MRTFA: variants seen among roughly 807,000 people sequenced by gnomAD.
MRTFA encodes myocardin-related transcription factor A.
In MRTFA, 20 loss-of-function variants were observed where a neutral mutation model predicts 83.5. That is an observed-to-expected ratio of 0.24 (90% confidence interval 0.17 to 0.35). The LOEUF is 0.35. Ranked by LOEUF, MRTFA falls within the 10% of genes least tolerant of loss-of-function variation. The probability of loss-of-function intolerance (pLI) is 1.00; values close to 1 mark genes in which losing one functional copy is unlikely to be tolerated. For synonymous variants in MRTFA, 659 were observed against 541.2 expected (o/e 1.22, Z -3.02); for missense variants, 1,200 against 1,224.7 (o/e 0.98, Z 0.30).
chr22:40,483,017 A>G (rs1399562314), intron 3 of MRTFA, among the ~76,000 whole-genome samples: 2 of 152,024 alleles, frequency 1.3e-5, no homozygotes, highest in Non-Finnish European at 2.9e-5. Context: ...GTGAGCCACC[A>G]CTGTGCCACG....
chr22:40,541,365 G>A (rs1453145610), intron 3 of MRTFA, among the ~76,000 whole-genome samples: 2 of 152,090 alleles, frequency 1.3e-5, no homozygotes, highest in African/African-American at 4.8e-5. Context: ...ACAAGTGTAC[G>A]CATGAGTTTA....
At chr22:40,419,564 T>C (rs2052781223) in intron 11 of MRTFA, among the ~76,000 whole-genome samples, 180 bp from the exon 12 acceptor site, 1 of 152,168 alleles carries the variant, frequency 6.6e-6, no homozygotes, top group Non-Finnish European at 1.5e-5. Flanking sequence ...CTCTCTTTCA[T>C]TGTTCTCACT....
intron 1 of MRTFA, among the ~76,000 whole-genome samples, chr22:40,613,429 T>C (rs2056410099): frequency 6.6e-6 from 1 of 152,204 alleles, no homozygotes; most frequent in Admixed American, 6.5e-5. Context: ...CCAAAGTGGC[T>C]GTACCATGTC....
In MRTFA at chr22:40,518,436, A is replaced by AAC. The variant is rs398081787; in HGVS notation, c.241+33668_241+33669dup. Among the ~76,000 whole-genome samples the AAC allele has an allele frequency of 2.6e-5, 4 of 151,506 alleles. No homozygotes were observed. In the East Asian group the frequency reaches 7.8e-4, roughly 29 times the overall value. ...TGGTTGTTGGTGAGGGAAAAAAAAA[A>AAC]ACAAAACCTACACATCTGATGTCAT... On this transcript the variant is annotated intron_variant, in intron 3 of 14. Transcript: ENST00000355630.
Position 40,411,369 on chromosome 22 carries a change from A to AC in MRTFA, c.*20dup. On this transcript the variant is annotated 3_prime_UTR_variant, in exon 15 of 15. Transcript: ENST00000355630. ...TACCCTGGCTCCCAGCCCCTTCCCC[A>AC]CCCCGTCTTGAGCCAGAGAGCTACA... 1 of 1,534,854 alleles carries AC rather than the reference A, an allele frequency of 6.5e-7. No individual in the cohort carries two copies. The highest frequency in any genetic ancestry group is 8.8e-7 in the Non-Finnish European group (1 of 1,134,048).
intron 1 of MRTFA, among the ~76,000 whole-genome samples, chr22:40,634,384 T>C (rs914655336): frequency 1.2e-4 from 19 of 152,232 alleles, no homozygotes; most frequent in Non-Finnish European, 4.4e-5. Flanking sequence ...TAAGCCACTG[T>C]GCCCCGCCTA....
intron 4 of MRTFA, among the ~76,000 whole-genome samples, chr22:40,444,747 T>A (rs1373172843): frequency 6.6e-6 from 1 of 151,890 alleles, no homozygotes; most frequent in Non-Finnish European, 1.5e-5. Context: ...GGGAGTTGCT[T>A]CTGACTTGAT....
intron 3 of MRTFA, among the ~76,000 whole-genome samples, chr22:40,511,289 T>C (rs957444985): frequency 3.9e-5 from 6 of 152,030 alleles, no homozygotes; most frequent in South Asian, 4.2e-4. Context: ...AAAGGAGGAA[T>C]TGAGACTGAC....
intron 3 of MRTFA, among the ~76,000 whole-genome samples, chr22:40,466,972 T>C (rs926835756): frequency 5.9e-5 from 9 of 151,466 alleles, no homozygotes; most frequent in Middle Eastern, 3.4e-3. Context: ...TATGCATGTA[T>C]ATATATATAT....
At chr22:40,562,865 T>C (rs1347451908) in intron 2 of MRTFA, among the ~76,000 whole-genome samples, 2 of 152,088 alleles carry the variant, frequency 1.3e-5, no homozygotes, top group Admixed American at 6.5e-5. Flanking sequence ...TCTAGGTATC[T>C]ATAGAGTTCT....
chr22:40,418,986 C>G lies in MRTFA; in HGVS notation c.1752G>C (p.Leu584=). 1.2e-6 allele frequency: 2 copies of G among 1,612,878 alleles called. No homozygotes were observed. The highest frequency in any genetic ancestry group is 1.7e-6 in the Non-Finnish European group (2 of 1,179,928). ...GCGAGGCCTGCAGGGTCAGCTGCGT[C>G]AGAGGTGATGTCACCATCTCACCAA... The change falls in exon 12 of 15, where the codon CTG becomes CTC. Residue 584 remains leucine, a synonymous_variant. Coordinates refer to ENST00000355630, the MANE Select transcript of MRTFA (RefSeq NM_020831.6).
intron 2 of MRTFA, among the ~76,000 whole-genome samples, chr22:40,554,290 G>A (rs573265323): frequency 6.6e-4 from 101 of 152,206 alleles, no homozygotes; most frequent in African/African-American, 2.4e-3. Context: ...GATTTGGGAG[G>A]GGCCAGGGGC....
At chr22:40,587,914 C>A in intron 2 of MRTFA, 1 of 409,390 alleles carries the variant, frequency 2.4e-6, no homozygotes, top group East Asian at 5.2e-5. Flanking sequence ...GAATGGGAGC[C>A]TTGAATACAG....
At chr22:40,631,128 G>A (rs1234285142) in intron 1 of MRTFA, among the ~76,000 whole-genome samples, 2 of 152,120 alleles carry the variant, frequency 1.3e-5, no homozygotes, top group African/African-American at 4.8e-5. Flanking sequence ...TAAAGCCACT[G>A]GTTCACTCTA....
chr22:40,611,006 C>T (rs1174593562), intron 1 of MRTFA, among the ~76,000 whole-genome samples: 1 of 146,076 alleles, frequency 6.8e-6, no homozygotes, highest in Non-Finnish European at 1.5e-5. Flanking sequence ...GATGCCATCT[C>T]GGCTCACTGC....
chr22:40,423,172 C>T (rs1343064743), intron 9 of MRTFA, among the ~76,000 whole-genome samples: 1 of 152,246 alleles, frequency 6.6e-6, no homozygotes, highest in Non-Finnish European at 1.5e-5. Flanking sequence ...AGTGGCACCT[C>T]CTGCATGACT....
Position 40,416,340 on chromosome 22 carries a change from C to G in MRTFA, c.2578+646G>C, listed in dbSNP as rs1244945591. ...CCCAGCTCTCCAGTCGCCCCCCAAC[C>G]TGGGGCTCCCTGCTTCTGCCCTTGC... is the stretch of plus-strand genomic sequence containing the variant. On this transcript the variant is annotated intron_variant, in intron 14 of 14. Coordinates refer to ENST00000355630, the MANE Select transcript of MRTFA (RefSeq NM_020831.6). This position sits in a 1 kb window ranked among gnomAD's most constrained non-coding sequence, Gnocchi z 4.2. Among the ~76,000 whole-genome samples, 5 of 152,270 alleles carry G rather than the reference C, an allele frequency of 3.3e-5. No individual in the cohort carries two copies. Among genetic ancestry groups the G allele is most frequent in the African/African-American group, 4.8e-5 (2 of 41,470 alleles).
chr22:40,453,859 C>T (rs972664794), intron 4 of MRTFA, among the ~76,000 whole-genome samples: 1 of 152,030 alleles, frequency 6.6e-6, no homozygotes, highest in Non-Finnish European at 1.5e-5. Context: ...GGTAAGTTGC[C>T]CAGAAATTTA....
At chr22:40,459,239 CAAAAAAAAA>C (rs59958160) in intron 4 of MRTFA, among the ~76,000 whole-genome samples, 21 of 87,110 alleles carry the variant, frequency 2.4e-4, no homozygotes, top group Non-Finnish European at 2.8e-4. Context: ...AGGGGTCTGG[CAAAAAAAAA>C]AAAAAAAAAA....
Sources: allele counts gnomAD v4.1 joint callset (sites outside exome capture counted in the v4.1 genomes callset), GRCh38; gene constraint gnomAD v4.1.1; non-coding constraint Gnocchi (gnomAD v3.1); transcripts MANE v1.5; gene names NCBI Gene and HGNC (gene_info 2026-07-23, HGNC 2026-07-21).